ACSF3: variants seen among roughly 807,000 people sequenced by gnomAD.
ACSF3 encodes the protein acyl-CoA synthetase family member 3, also known as malonate--CoA ligase ACSF3, mitochondrial.
Under a neutral mutation model 53.2 loss-of-function variants are expected in ACSF3, and 78 were observed. The observed-to-expected ratio is 1.47, with a 90% CI of 1.22 to 1.77. The LOEUF (loss-of-function observed/expected upper bound fraction) is 1.77, where lower values mean the gene tolerates loss of function less well. Ranked by LOEUF, ACSF3 falls within the 40% of genes most tolerant of loss-of-function variation. The probability of loss-of-function intolerance (pLI) is 0.00; values close to 1 mark genes in which losing one functional copy is unlikely to be tolerated. For synonymous variants in ACSF3, 414 were observed against 333.1 expected (o/e 1.24, Z -2.65); for missense variants, 937 against 771.1 (o/e 1.22, Z -2.55).
At position 89,155,553 on chromosome 16, in the gene ACSF3, G is replaced by A. The variant is rs546300411; in HGVS notation, c.*1346G>A. ...TGCCCCACCCGAACTCCTGCCTCAC[G>A]GTGTGGCCTTGTGCATCCCCATGGC... On this transcript the variant is annotated 3_prime_UTR_variant, in exon 11 of 11. Transcript: ENST00000614302. The A allele has an allele frequency of 4.4e-5, 20 of 454,116 alleles. No individual in the cohort carries two copies. Among genetic ancestry groups the A allele is most frequent in the South Asian group, 9.3e-5 (6 of 64,468 alleles). 28.1% of individuals were successfully genotyped at this position (454,116 alleles called of 1,614,324 possible). A position where few individuals can be genotyped will look rare whatever the true frequency, so the allele number is the denominator to read the frequency against.
Position 89,155,927 on chromosome 16 carries a change from T to C in ACSF3, c.*1720T>C. 2.7e-6 allele frequency: 1 copy of C among 368,768 alleles called. No homozygotes were observed. Among genetic ancestry groups the C allele is most frequent in the Non-Finnish European group, 5.3e-6 (1 of 188,974 alleles). The allele number at this position is 368,768 out of a possible 1,614,324, so 22.8% of individuals were successfully genotyped here. ...CTACAAACTACAGAAAGCCTGGAGC[T>C]CATTGACCAGAAACTGCAGAGAGCC... On this transcript the variant is annotated 3_prime_UTR_variant, in exon 11 of 11. Transcript: ENST00000614302.
chr16:89,126,346 GC>G (rs913002702), intron 7 of ACSF3, among the ~76,000 whole-genome samples: 61 of 152,182 alleles, frequency 4.0e-4, no homozygotes, highest in Non-Finnish European at 5.0e-4. Flanking sequence ...TCAGCTCACT[GC>G]AACCTCTACT....
intron 4 of ACSF3, among the ~76,000 whole-genome samples, chr16:89,106,436 G>A (rs1473481676): frequency 6.6e-6 from 1 of 152,080 alleles, no homozygotes; most frequent in African/African-American, 2.4e-5. Flanking sequence ...GGGATTACAG[G>A]CACCTGCCAC....
intron 8 of ACSF3, 78 bp from the exon 9 acceptor site, chr16:89,145,189 G>C (rs1226258161): frequency 6.2e-6 from 10 of 1,613,248 alleles, no homozygotes; most frequent in Non-Finnish European, 8.5e-6. Context: ...AGGACGGCCA[G>C]TTAACCAGAG....
At chr16:89,151,239 C>A in intron 10 of ACSF3, 1 of 459,964 alleles carries the variant, frequency 2.2e-6, no homozygotes, top group Non-Finnish European at 4.3e-6. Context: ...ACAGACTGAA[C>A]AGTTCTGAGT....
At chr16:89,139,219 C>G (rs1911243077) in intron 8 of ACSF3, among the ~76,000 whole-genome samples, 2 of 152,176 alleles carry the variant, frequency 1.3e-5, no homozygotes, top group Non-Finnish European at 2.9e-5. Flanking sequence ...TTCTTGGTCT[C>G]CTGGTGCCAA....
At position 89,112,167 on chromosome 16, in the gene ACSF3, C is replaced by G. The variant is rs760572443; in HGVS notation, c.898C>G (p.Leu300Val). Residue 300 changes from leucine (L) to valine (V), a missense_variant, in exon 5 of 11, where the codon CTG (leucine) becomes GTG (valine). Transcript: ENST00000614302. ...FMAVPTIYTK[L>V]MEYYDRHFTQ... is the part of the protein sequence containing the mutation. ...GGCAGTGCCTACAATATACACCAAG[C>G]TGATGGAGTACTACGACAGGCATTT... is the stretch of plus-strand genomic sequence containing the variant. The G allele has an allele frequency of 3.1e-6, 5 of 1,614,124 alleles. No individual in the cohort carries two copies. The African/African-American group carries it at 4.0e-5, about 13-fold the overall frequency.
At chr16:89,131,759 A>G (rs1909368702) in intron 7 of ACSF3, among the ~76,000 whole-genome samples, 1 of 152,208 alleles carries the variant, frequency 6.6e-6, no homozygotes, top group African/African-American at 2.4e-5. Flanking sequence ...GGCCAGTCTG[A>G]CCACGTCAGT....
rs1034801390 is a variant in ACSF3 at position 89,143,394 on chromosome 16, G to A, written c.1367-1873G>A. Among the ~76,000 whole-genome samples the A allele has an allele frequency of 9.9e-5, 15 of 152,282 alleles. No individual in the cohort carries two copies. The South Asian group carries it at 1.9e-3, about 19-fold the overall frequency. On this transcript the variant is annotated intron_variant, in intron 8 of 10. Transcript: ENST00000614302. ...GGGCAGTGGCTCCATGCTGCGCTGG[G>A]TCTCTGGGTGGTGCAGGCCAGGGTG...
At chr16:89,136,399 G>A in intron 8 of ACSF3, 2 of 713,084 alleles carry the variant, frequency 2.8e-6, no homozygotes, top group Non-Finnish European at 3.9e-6. Flanking sequence ...CGGGGGTAAG[G>A]CCTGGAAGCC....
intron 4 of ACSF3, among the ~76,000 whole-genome samples, chr16:89,110,032 A>T (rs902295275): frequency 3.3e-5 from 5 of 152,182 alleles, no homozygotes; most frequent in Admixed American, 1.3e-4. Context: ...CTCTTTTCAG[A>T]TGTACGGTTT....
chr16:89,126,975 C>G (rs1304285726), intron 7 of ACSF3, among the ~76,000 whole-genome samples: 2 of 145,890 alleles, frequency 1.4e-5, no homozygotes, highest in Non-Finnish European at 3.0e-5. Context: ...TGAATATTTT[C>G]AAAAAGCTTT....
At chr16:89,096,898 C>T (rs1350238632) in intron 1 of ACSF3, among the ~76,000 whole-genome samples, 1 of 152,206 alleles carries the variant, frequency 6.6e-6, no homozygotes, top group Non-Finnish European at 1.5e-5. Flanking sequence ...CTGTCACCTC[C>T]CAGGGGCTGG....
rs1345499092 is a variant in ACSF3, at chr16:89,154,867, A to G, written c.*660A>G. ...AAAGTGCGTGGACGGATGGCCCCGG[A>G]GCTGCTCTGCCGTGACCCTGCCTCA... is the stretch of plus-strand genomic sequence containing the variant. On this transcript the variant is annotated 3_prime_UTR_variant, in exon 11 of 11. Transcript: ENST00000614302. 1 of 454,046 alleles carries G rather than the reference A, an allele frequency of 2.2e-6. No individual in the cohort carries two copies. Among genetic ancestry groups the G allele is most frequent in the Admixed American group, 2.3e-5 (1 of 42,576 alleles). The allele number at this position is 454,046 out of a possible 1,614,324, so 28.1% of individuals were successfully genotyped here. A position where few individuals can be genotyped will look rare whatever the true frequency, so the allele number is the denominator to read the frequency against.
At chr16:89,103,978 A>G (rs1975676848) in intron 4 of ACSF3, among the ~76,000 whole-genome samples, 2 of 152,202 alleles carry the variant, frequency 1.3e-5, no homozygotes, top group African/African-American at 4.8e-5. Context: ...GACCCTGTGC[A>G]CAGCATCGGG....
intron 2 of ACSF3, among the ~76,000 whole-genome samples, chr16:89,099,844 G>A (rs1307575537): frequency 8.6e-5 from 13 of 151,130 alleles, no homozygotes; most frequent in Non-Finnish European, 1.8e-4. Flanking sequence ...TAAAGAGAGA[G>A]AGAGAAAGGA....
intron 6 of ACSF3, among the ~76,000 whole-genome samples, chr16:89,116,216 A>G (rs1436988880): frequency 6.6e-6 from 1 of 152,232 alleles, no homozygotes; most frequent in Admixed American, 6.5e-5. Context: ...TCCATCGAAC[A>G]GCCCTTTGGA....
At chr16:89,133,066 C>G in intron 7 of ACSF3, 70 bp from the exon 8 acceptor site, 1 of 1,608,324 alleles carries the variant, frequency 6.2e-7, no homozygotes, top group Non-Finnish European at 8.5e-7. Flanking sequence ...GAGCAGCCCA[C>G]AGTTTCAGAA....
At chr16:89,134,335 A>G (rs1909975114) in intron 8 of ACSF3, among the ~76,000 whole-genome samples, 1 of 152,148 alleles carries the variant, frequency 6.6e-6, no homozygotes, top group African/African-American at 2.4e-5. Flanking sequence ...CCCAGTGACT[A>G]GTGTTCAGCT....
Sources: allele counts gnomAD v4.1 joint callset (sites outside exome capture counted in the v4.1 genomes callset), GRCh38; gene constraint gnomAD v4.1.1; transcripts MANE v1.5; gene names NCBI Gene and HGNC (gene_info 2026-07-23, HGNC 2026-07-21).